Variants in EPB41L4B observed in about 807,000 individuals in gnomAD.
EPB41L4B encodes band 4.1-like protein 4B.
A neutral mutation model predicts 112.5 loss-of-function variants in EPB41L4B; 30 were observed. That is an observed-to-expected ratio of 0.27 (90% CI 0.20 to 0.36). The LOEUF (loss-of-function observed/expected upper bound fraction) is 0.36, where lower values mean the gene tolerates loss of function less well. EPB41L4B is among the 10% of genes least tolerant of loss of function. The probability of loss-of-function intolerance (pLI) is 1.00; values close to 1 mark genes in which losing one functional copy is unlikely to be tolerated. For synonymous variants in EPB41L4B, 408 were observed against 439.7 expected (o/e 0.93, Z 0.90); for missense variants, 1,024 against 1,133.3 (o/e 0.90, Z 1.38).
At chr9:109,223,029 T>C (rs1833642793) in intron 15 of EPB41L4B, among the ~76,000 whole-genome samples, 1 of 152,064 alleles carries the variant, frequency 6.6e-6, no homozygotes, top group African/African-American at 2.4e-5. Flanking sequence ...GCAGAACAAG[T>C]GATGTTACAG....
chr9:109,232,305 T>C (rs1344365940), intron 15 of EPB41L4B, among the ~76,000 whole-genome samples: 3 of 150,768 alleles, frequency 2.0e-5, no homozygotes, highest in Non-Finnish European at 4.4e-5. Context: ...TCTGGGTTTC[T>C]TACAGATTTT....
chr9:109,176,621 G>A lies in EPB41L4B; in HGVS notation c.2563C>T (p.Pro855Ser). The change falls in exon 25 of 26, where the codon CCT becomes TCT. Residue 855 changes from proline (P) to serine (S), a missense_variant. Coordinates refer to ENST00000374566, the MANE Select transcript of EPB41L4B (RefSeq NM_019114.5). ...ACTGTGGAGACGGTCTCTGTCAAAG[G>A]CCTCAGGGTCGCTGCTGGGATCAGC... ...SPLIPAATLR[P>S]LTETVSTVQT... 1.2e-6 allele frequency: 2 copies of A among 1,614,030 alleles called. No individual in the cohort carries two copies. Among genetic ancestry groups the A allele is most frequent in the Non-Finnish European group, 1.7e-6 (2 of 1,179,980 alleles).
rs565697602 is a variant in EPB41L4B, at chr9:109,277,848, G to A, written c.411+1969C>T. Among the ~76,000 whole-genome samples the A allele has an allele frequency of 9.2e-5, 14 of 152,272 alleles. No homozygotes were observed. The South Asian group carries it at 2.9e-3, about 32-fold the overall frequency. Reference sequence around the variant, plus strand: ...AGGGAGGGGAACTGGGAAAATGGAAGGAATCAAGGGAAGTTATCCTGGAAT... The same window carrying A: ...AGGGAGGGGAACTGGGAAAATGGAAAGAATCAAGGGAAGTTATCCTGGAAT... On this transcript the variant is annotated intron_variant, in intron 2 of 25. Coordinates refer to ENST00000374566, the MANE Select transcript of EPB41L4B (RefSeq NM_019114.5).
intron 2 of EPB41L4B, among the ~76,000 whole-genome samples, chr9:109,268,896 C>CAAAAAA (rs55646924): frequency 2.2e-4 from 23 of 106,616 alleles, no homozygotes; most frequent in South Asian, 1.8e-3. Flanking sequence ...AACTCCGTCT[C>CAAAAAA]AAAAAAAAAA....
chr9:109,251,225 C>T (rs1435863492), intron 13 of EPB41L4B, among the ~76,000 whole-genome samples: 1 of 152,262 alleles, frequency 6.6e-6, no homozygotes, highest in Non-Finnish European at 1.5e-5. Flanking sequence ...TTCCCACCCA[C>T]TGTTATCATA....
intron 5 of EPB41L4B, among the ~76,000 whole-genome samples, chr9:109,263,548 A>T (rs982749405): frequency 1.3e-5 from 2 of 152,282 alleles, no homozygotes; most frequent in Non-Finnish European, 2.9e-5. Flanking sequence ...GAACACTGCC[A>T]GCATGGCTGG....
chr9:109,308,404 A>T (rs1229106638), intron 1 of EPB41L4B, among the ~76,000 whole-genome samples: 2 of 152,186 alleles, frequency 1.3e-5, no homozygotes, highest in African/African-American at 2.4e-5. Flanking sequence ...CTCGGAAAGT[A>T]ACAAACTGTA....
chr9:109,312,466 G>A (rs901075027), intron 1 of EPB41L4B, among the ~76,000 whole-genome samples: 12 of 152,074 alleles, frequency 7.9e-5, no homozygotes, highest in African/African-American at 2.9e-4. Flanking sequence ...GGGGCTCAGG[G>A]GTCGCCATCC....
chr9:109,204,867 T>C (rs1438970372), intron 18 of EPB41L4B, among the ~76,000 whole-genome samples: 1 of 152,098 alleles, frequency 6.6e-6, no homozygotes, highest in African/African-American at 2.4e-5. Flanking sequence ...TTCCTTATAC[T>C]CTCACTATGC....
At position 109,264,859 on chromosome 9, in the gene EPB41L4B, C is replaced by T; in HGVS notation, c.578+121G>A. On this transcript the variant is annotated intron_variant, in intron 5 of 25. Coordinates refer to ENST00000374566, the MANE Select transcript of EPB41L4B (RefSeq NM_019114.5). ...CAAGTATTAGACTCACTTTACAATG[C>T]CTGGTGCACTTTTTTTGAATTTTGA... 5.4e-6 allele frequency: 4 copies of T among 743,756 alleles called. No individual in the cohort carries two copies. The South Asian group carries it at 6.7e-5, about 13-fold the overall frequency. 46.1% of individuals were successfully genotyped at this position (743,756 alleles called of 1,614,324 possible).
At chr9:109,256,520 G>C (rs764778132) in intron 7 of EPB41L4B, 40 bp from the exon 8 acceptor site, 3 of 1,569,730 alleles carry the variant, frequency 1.9e-6, no homozygotes, top group Non-Finnish European at 2.6e-6. Flanking sequence ...ACTGCGACTC[G>C]TAAGCCCACA....
chr9:109,281,651 C>G (rs961838574), intron 1 of EPB41L4B, among the ~76,000 whole-genome samples: 1 of 152,020 alleles, frequency 6.6e-6, no homozygotes, highest in Non-Finnish European at 1.5e-5. Flanking sequence ...TGCCACTGCA[C>G]TCAGCCTCGG....
intron 2 of EPB41L4B, among the ~76,000 whole-genome samples, chr9:109,278,590 G>A (rs1055971427): frequency 2.6e-5 from 4 of 152,072 alleles, no homozygotes; most frequent in Non-Finnish European, 5.9e-5. Context: ...TAACCATTAT[G>A]GGAGCTCCAG....
intron 17 of EPB41L4B, among the ~76,000 whole-genome samples, chr9:109,211,904 T>TGGGGGG (rs10683465): frequency 6.7e-6 from 1 of 148,442 alleles, no homozygotes; most frequent in Non-Finnish European, 1.5e-5. Context: ...ATAGTAGAGA[T>TGGGGGG]GGGGGGGGTC....
At chr9:109,261,126 G>A (rs1258247230) in intron 6 of EPB41L4B, among the ~76,000 whole-genome samples, 1 of 152,216 alleles carries the variant, frequency 6.6e-6, no homozygotes, top group African/African-American at 2.4e-5. Context: ...AGTGGCCGGA[G>A]TGCGGAGGCC....
chr9:109,238,151 G>A (rs1834216287), intron 15 of EPB41L4B, among the ~76,000 whole-genome samples: 1 of 152,188 alleles, frequency 6.6e-6, no homozygotes, highest in Non-Finnish European at 1.5e-5. Flanking sequence ...AGAGTGGTCA[G>A]GAAATGAAGT....
intron 1 of EPB41L4B, among the ~76,000 whole-genome samples, chr9:109,288,486 C>A (rs192212605): frequency 1.3e-5 from 2 of 151,774 alleles, no homozygotes; most frequent in African/African-American, 4.8e-5. Context: ...TTTGGGAGGC[C>A]GAGGCGGGCG....
intron 1 of EPB41L4B, among the ~76,000 whole-genome samples, chr9:109,316,315 G>A (rs1466996653): frequency 6.6e-6 from 1 of 152,238 alleles, no homozygotes; most frequent in Non-Finnish European, 1.5e-5. Context: ...GTGCTAACTG[G>A]CCGACCGCAC....
intron 1 of EPB41L4B, among the ~76,000 whole-genome samples, chr9:109,303,098 G>C (rs1029883042): frequency 1.4e-5 from 2 of 144,518 alleles, no homozygotes; most frequent in Non-Finnish European, 3.0e-5. Context: ...AAAAAAAAGA[G>C]AAAAGAAAAG....
Sources: gnomAD v4.1 joint callset for allele counts (sites outside exome capture counted in the v4.1 genomes callset) on GRCh38, gnomAD v4.1.1 for gene constraint, MANE v1.5 for transcripts, NCBI Gene and HGNC (gene_info 2026-07-23, HGNC 2026-07-21) for gene names.